MYO3B: variants seen among roughly 807,000 people sequenced by gnomAD.
MYO3B encodes myosin-IIIb.
Under a neutral mutation model 174.6 loss-of-function variants are expected in MYO3B, and 156 were observed. The observed-to-expected ratio is 0.89, with a 90% CI of 0.78 to 1.02. The LOEUF is 1.02. Ranked by LOEUF, MYO3B falls within the 50% of genes least tolerant of loss-of-function variation. The pLI is 0.00. For synonymous variants in MYO3B, 563 were observed against 569.1 expected (o/e 0.99, Z 0.15); for missense variants, 1,632 against 1,639.4 (o/e 1.00, Z 0.08).
intron 30 of MYO3B, 37 bp from the exon 31 acceptor site, chr2:170,542,869 A>C (rs748849495): frequency 6.8e-7 from 1 of 1,480,874 alleles, no homozygotes; most frequent in Non-Finnish European, 9.2e-7. Context: ...TATTATTTTC[A>C]AGTCTTTTAA....
chr2:170,289,377 C>T (rs942021494), intron 7 of MYO3B, among the ~76,000 whole-genome samples: 1 of 151,842 alleles, frequency 6.6e-6, no homozygotes, highest in East Asian at 1.9e-4. Context: ...TTATTACAGC[C>T]TTCTTCTCAT....
intron 30 of MYO3B, among the ~76,000 whole-genome samples, chr2:170,532,586 G>T (rs930153888): frequency 1.3e-5 from 2 of 152,108 alleles, no homozygotes; most frequent in Non-Finnish European, 2.9e-5. Context: ...GCCAAGGTGG[G>T]CGGATCACCT....
At chr2:170,300,219 A>G (rs1372179863) in intron 7 of MYO3B, among the ~76,000 whole-genome samples, 1 of 152,168 alleles carries the variant, frequency 6.6e-6, no homozygotes, top group East Asian at 1.9e-4. Flanking sequence ...AAGAAATGTG[A>G]GTGGAAATAA....
chr2:170,333,059 G>A (rs1159424543), intron 7 of MYO3B, among the ~76,000 whole-genome samples: 2 of 152,202 alleles, frequency 1.3e-5, no homozygotes, highest in East Asian at 3.8e-4. Context: ...CTATTAGACA[G>A]TAGATTGCTT....
chr2:170,364,453 A>G (rs1239237732), intron 8 of MYO3B, among the ~76,000 whole-genome samples: 1 of 152,100 alleles, frequency 6.6e-6, no homozygotes, highest in Non-Finnish European at 1.5e-5. Context: ...GCTTCCCCTA[A>G]TTCACCTCAT....
chr2:170,460,126 GACA>G (rs1684175086), intron 23 of MYO3B, among the ~76,000 whole-genome samples: 1 of 152,182 alleles, frequency 6.6e-6, no homozygotes, highest in Non-Finnish European at 1.5e-5. Flanking sequence ...TGGATGCTGA[GACA>G]GAGGAGTCGC....
At chr2:170,537,447 G>GTTTTT (rs1559095079) in intron 30 of MYO3B, among the ~76,000 whole-genome samples, 1 of 47,484 alleles carries the variant, frequency 2.1e-5, no homozygotes, top group Non-Finnish European at 4.1e-5. Flanking sequence ...AGAGCTCTTT[G>GTTTTT]ATTTTTTTTT....
At chr2:170,639,366 G>A (rs1468467740) in intron 32 of MYO3B, among the ~76,000 whole-genome samples, 4 of 152,208 alleles carry the variant, frequency 2.6e-5, no homozygotes, top group Admixed American at 2.0e-4. Context: ...CCCACTGGGT[G>A]CAGTTTGGGT....
chr2:170,235,940 A>G, intron 6 of MYO3B, 51 bp from the exon 7 acceptor site: 1 of 1,608,862 alleles, frequency 6.2e-7, no homozygotes, highest in Non-Finnish European at 8.5e-7. Flanking sequence ...TTTTTAGGAC[A>G]TCTGATGTGG....
At chr2:170,411,079 A>G (rs931763738) in intron 22 of MYO3B, among the ~76,000 whole-genome samples, 2 of 152,134 alleles carry the variant, frequency 1.3e-5, no homozygotes, top group African/African-American at 4.8e-5. Context: ...TTCTTTATCG[A>G]AGGATTCCTG....
chr2:170,328,710 A>G (rs1304660748), intron 7 of MYO3B, among the ~76,000 whole-genome samples: 4 of 152,140 alleles, frequency 2.6e-5, no homozygotes, highest in Non-Finnish European at 5.9e-5. Flanking sequence ...CGGCTAAATA[A>G]CCTATAGTTA....
chr2:170,381,986 A>C, intron 9 of MYO3B, 30 bp from the exon 10 acceptor site: 1 of 1,578,406 alleles, frequency 6.3e-7, no homozygotes, highest in Non-Finnish European at 8.7e-7. Context: ...TTGCTGTCTT[A>C]ATGCTTAAAC....
At chr2:170,244,425 AAGG>A (rs75865429) in intron 7 of MYO3B, among the ~76,000 whole-genome samples, 2,580 of 152,318 alleles carry the variant, frequency 0.017, 51 homozygotes, top group East Asian at 0.091. Flanking sequence ...AGGGGATTGT[AAGG>A]AGAGCACCTG....
intron 25 of MYO3B, among the ~76,000 whole-genome samples, chr2:170,484,182 A>G (rs1685880685): frequency 6.6e-6 from 1 of 152,208 alleles, no homozygotes; most frequent in African/African-American, 2.4e-5. Context: ...TTTTACGTAT[A>G]TCATCTCACT....
At chr2:170,589,576 A>T (rs1446425796) in intron 32 of MYO3B, among the ~76,000 whole-genome samples, 1 of 152,154 alleles carries the variant, frequency 6.6e-6, no homozygotes, top group Non-Finnish European at 1.5e-5. Flanking sequence ...AAAAAATTTT[A>T]AATAGAAAAA....
rs1029592290 is a variant in MYO3B, at chr2:170,653,974, G to A, written c.*853G>A. On this transcript the variant is annotated 3_prime_UTR_variant, in exon 35 of 35. Transcript: ENST00000408978. ...AGGACCTGATCTTGTCCATCTTTGT[G>A]TGCACAGAGCCTAGCACAGGGCTTG... 1 of 152,188 alleles carries A rather than the reference G, an allele frequency of 6.6e-6. No individual in the cohort carries two copies. The highest frequency in any genetic ancestry group is 2.4e-5 in the African/African-American group (1 of 41,434). The allele number at this position is 152,188 out of a possible 1,614,324, so 9.4% of individuals were successfully genotyped here. A position where few individuals can be genotyped will look rare whatever the true frequency, so the allele number is the denominator to read the frequency against.
intron 22 of MYO3B, among the ~76,000 whole-genome samples, chr2:170,420,377 T>C (rs2094606817): frequency 6.6e-6 from 1 of 152,050 alleles, no homozygotes. Flanking sequence ...AAAGTGAAAT[T>C]GTTTCTGGAT....
In MYO3B at chr2:170,367,452, G is replaced by A. The variant is rs540232401; in HGVS notation, c.816-1770G>A. Among the ~76,000 whole-genome samples, 7 of 152,262 alleles carry A rather than the reference G, an allele frequency of 4.6e-5. No homozygotes were observed. In the South Asian group the frequency reaches 1.2e-3, roughly 27 times the overall value. On this transcript the variant is annotated intron_variant, in intron 8 of 34. Coordinates refer to ENST00000408978, the MANE Select transcript of MYO3B (RefSeq NM_138995.5). ...CAGTTCCTGGACTCCCATCCTACCC[G>A]TTCCCTCTGAGGTTCCTGGGGGTGT...
chr2:170,361,768 C>T (rs2094163390), intron 8 of MYO3B, among the ~76,000 whole-genome samples: 1 of 152,160 alleles, frequency 6.6e-6, no homozygotes, highest in Admixed American at 6.6e-5. Flanking sequence ...ATCTCTCTCT[C>T]TTTTTCCTCC....
Sources: gnomAD v4.1 joint callset for allele counts (sites outside exome capture counted in the v4.1 genomes callset) on GRCh38, gnomAD v4.1.1 for gene constraint, MANE v1.5 for transcripts, NCBI Gene and HGNC (gene_info 2026-07-23, HGNC 2026-07-21) for gene names.